The following SDK2 variants were observed in gnomAD, a reference collection of about 807,000 sequenced individuals.
SDK2 encodes sidekick cell adhesion molecule 2.
A neutral mutation model predicts 253.9 loss-of-function variants in SDK2; 105 were observed. The ratio of observed to expected loss-of-function variants is 0.41; its 90% CI spans 0.35 to 0.49. The LOEUF is 0.49. Ranked by LOEUF, SDK2 falls within the 20% of genes least tolerant of loss-of-function variation. The pLI is 0.06. For missense variants in SDK2, 2,608 were observed against 3,003.0 expected (o/e 0.87, Z 3.07); for synonymous variants, 1,249 against 1,234.9 (o/e 1.01, Z -0.24).
intron 1 of SDK2, among the ~76,000 whole-genome samples, chr17:73,532,325 T>A (rs2064175894): frequency 6.6e-6 from 1 of 152,068 alleles, no homozygotes; most frequent in Admixed American, 6.5e-5. Flanking sequence ...GGCCTTGCCT[T>A]GACCCTGCCA....
In SDK2 at chr17:73,391,484, C is replaced by T. The variant is rs200895362; in HGVS notation, c.3953G>A (p.Arg1318Gln). ...GGCGGCAGGGGGCTGCCAGATCAGC[C>T]GCACAGACGTGGTCCGCACCTCTGG... ...LFPEVRTTSV[R>Q]LIWQPPAAPN... is the part of the protein sequence containing the mutation. The change falls in exon 28 of 45, where the codon CGG becomes CAG. Residue 1318 changes from arginine (R) to glutamine (Q), a missense_variant. Transcript: ENST00000392650. 1.0e-4 allele frequency: 131 copies of T among 1,310,062 alleles called. No homozygotes were observed. Among genetic ancestry groups the T allele is most frequent in the South Asian group, 3.2e-5 (1 of 30,858 alleles). The allele number at this position is 1,310,062 out of a possible 1,614,324, so 81.2% of individuals were successfully genotyped here.
intron 40 of SDK2, chr17:73,357,572 GC>G (rs1568364060): frequency 3.9e-6 from 1 of 258,816 alleles, no homozygotes; most frequent in Non-Finnish European, 7.5e-6. Context: ...GTGGGGAGCA[GC>G]CCCCCGACTG....
chr17:73,503,241 G>C (rs2063904194), intron 2 of SDK2, among the ~76,000 whole-genome samples: 1 of 152,224 alleles, frequency 6.6e-6, no homozygotes, highest in Non-Finnish European at 1.5e-5. Flanking sequence ...AAGGACACTG[G>C]GATAAAGGTA....
At chr17:73,539,889 C>T (rs1309610493) in intron 1 of SDK2, among the ~76,000 whole-genome samples, 2 of 152,010 alleles carry the variant, frequency 1.3e-5, no homozygotes, top group Admixed American at 1.3e-4. Flanking sequence ...CCAGGATGGG[C>T]GGCCCCCACC....
chr17:73,599,614 G>A (rs926928470), intron 1 of SDK2, among the ~76,000 whole-genome samples: 2 of 151,986 alleles, frequency 1.3e-5, no homozygotes, highest in Non-Finnish European at 2.9e-5. Context: ...AAGGAGGGAG[G>A]AAAGGGGGAA....
chr17:73,476,604 G>A (rs1425956285), intron 2 of SDK2, among the ~76,000 whole-genome samples: 1 of 152,090 alleles, frequency 6.6e-6, no homozygotes, highest in Non-Finnish European at 1.5e-5. Flanking sequence ...TTTAATAAAA[G>A]CCCATTTCTT....
At chr17:73,588,074 T>A (rs2045626441) in intron 1 of SDK2, among the ~76,000 whole-genome samples, 1 of 152,014 alleles carries the variant, frequency 6.6e-6, no homozygotes, top group Non-Finnish European at 1.5e-5. Context: ...TGGAAGCTTG[T>A]AAGAAATGCA....
At chr17:73,373,437 T>C (rs1394442079) in intron 36 of SDK2, among the ~76,000 whole-genome samples, 1 of 152,236 alleles carries the variant, frequency 6.6e-6, no homozygotes, top group African/African-American at 2.4e-5. Context: ...GGAACTTCCA[T>C]ACCGTTATCC....
chr17:73,376,055 A>G (rs143176226), intron 36 of SDK2, among the ~76,000 whole-genome samples: 1,746 of 151,852 alleles, frequency 0.011, 37 homozygotes, highest in African/African-American at 0.04. Flanking sequence ...TTAGCTGGGC[A>G]TGGTGGCAGG....
At chr17:73,412,085 TATATATAC>T (rs753584566) in intron 18 of SDK2, among the ~76,000 whole-genome samples, 24,234 of 130,894 alleles carry the variant, frequency 0.19, 2,924 homozygotes, top group African/African-American at 0.27. Context: ...TATGTATATG[TATATATAC>T]GTATATATGT....
rs1250838960 is a variant in SDK2 at position 73,496,601 on chromosome 17, T to C, written c.224+10837A>G. On this transcript the variant is annotated intron_variant, in intron 2 of 44. Transcript: ENST00000392650. The surrounding 1 kb of genome is among the most constrained non-coding windows in gnomAD (Gnocchi z 4.7). ...TCTTGTACTCCCTCGACCAAAATCC[T>C]TTCGAGACTGTCCACTGCCTGCTGG... is the stretch of plus-strand genomic sequence containing the variant. 6.6e-6 allele frequency among the ~76,000 whole-genome samples: 1 copy of C among 152,126 alleles called. No homozygotes were observed. Among genetic ancestry groups the C allele is most frequent in the African/African-American group, 2.4e-5 (1 of 41,430 alleles).
chr17:73,344,914 T>G (rs2062469662), intron 44 of SDK2, among the ~76,000 whole-genome samples: 1 of 152,228 alleles, frequency 6.6e-6, no homozygotes, highest in South Asian at 2.1e-4. Context: ...CTGTTCACAC[T>G]TTGAGGCCCA....
intron 18 of SDK2, among the ~76,000 whole-genome samples, chr17:73,412,016 A>C (rs1347306257): frequency 1.1e-3 from 55 of 51,662 alleles, no homozygotes; most frequent in African/African-American, 2.0e-3. Context: ...ATATGTAGAT[A>C]TACGTATATG....
At chr17:73,469,274 CCCATA>C (rs1406693380) in intron 3 of SDK2, among the ~76,000 whole-genome samples, 2 of 152,208 alleles carry the variant, frequency 1.3e-5, no homozygotes, top group Non-Finnish European at 2.9e-5. Flanking sequence ...GAGCCAGGCC[CCCATA>C]TGTCACTGCC....
chr17:73,500,531 C>T (rs1373925830), intron 2 of SDK2, among the ~76,000 whole-genome samples: 4 of 149,098 alleles, frequency 2.7e-5, no homozygotes, highest in African/African-American at 7.5e-5. Context: ...CATCCTCCAT[C>T]CATCCCCCCT....
intron 1 of SDK2, among the ~76,000 whole-genome samples, chr17:73,623,379 A>C (rs938536057): frequency 6.6e-6 from 1 of 152,088 alleles, no homozygotes; most frequent in South Asian, 2.1e-4. Flanking sequence ...TCTGTTCTCT[A>C]TTGCTCTATA....
At chr17:73,634,174 T>G (rs1003249940) in intron 1 of SDK2, among the ~76,000 whole-genome samples, 7 of 152,158 alleles carry the variant, frequency 4.6e-5, no homozygotes, top group African/African-American at 1.4e-4. Flanking sequence ...GTGCCCCCTG[T>G]GTCCTCCTCC....
chr17:73,485,921 G>A (rs574804609), intron 2 of SDK2, among the ~76,000 whole-genome samples: 10 of 152,294 alleles, frequency 6.6e-5, no homozygotes, highest in Non-Finnish European at 1.0e-4. Flanking sequence ...ACATGTGTAC[G>A]AAGGTCACTC....
rs1258977518 is a variant in SDK2, at chr17:73,358,128, G to A, written c.5544C>T (p.Asp1848=). 1 of 1,613,280 alleles carries A rather than the reference G, an allele frequency of 6.2e-7. No individual in the cohort carries two copies. The highest frequency in any genetic ancestry group is 8.5e-7 in the Non-Finnish European group (1 of 1,179,796). ...SAIAIHWSSG[D]PGKGPITRYV... ...AGCGGGTGATGGGCCCTTTGCCCGGGTCTCCGCTGGACCAGTGAATGGCGA... is the reference window on the plus strand; with the variant it reads ...AGCGGGTGATGGGCCCTTTGCCCGGATCTCCGCTGGACCAGTGAATGGCGA... The change falls in exon 40 of 45, where the codon GAC becomes GAT. Residue 1848 remains aspartate, a synonymous_variant. Transcript: ENST00000392650.
Sources: gnomAD v4.1 joint callset for allele counts (sites outside exome capture counted in the v4.1 genomes callset) on GRCh38, gnomAD v4.1.1 for gene constraint, Gnocchi (gnomAD v3.1) non-coding constraint, MANE v1.5 for transcripts, NCBI Gene and HGNC (gene_info 2026-07-23, HGNC 2026-07-21) for gene names.